NUF2: variants seen among roughly 807,000 people sequenced by gnomAD.
NUF2 encodes NUF2 component of NDC80 kinetochore complex, also known as kinetochore protein Nuf2.
NUF2 carries 34 observed loss-of-function variants against 61.8 expected under a neutral mutation model. That is an observed-to-expected ratio of 0.55 (90% confidence interval 0.42 to 0.73). The LOEUF is 0.73. Among genes scored for constraint, NUF2 ranks in the 30% least tolerant of loss-of-function variants. The probability of loss-of-function intolerance (pLI) is 0.00; values close to 1 mark genes in which losing one functional copy is unlikely to be tolerated. For missense variants in NUF2, 445 were observed against 539.1 expected, an observed-to-expected ratio of 0.83 and a Z score of 1.73; for synonymous variants, 172 against 181.6, an observed-to-expected ratio of 0.95 and a Z score of 0.42.
intron 1 of NUF2, among the ~76,000 whole-genome samples, chr1:163,324,202 A>G (rs571605388): frequency 6.6e-6 from 1 of 152,324 alleles, no homozygotes; most frequent in African/African-American, 2.4e-5. Context: ...GCAGAGGTGT[A>G]ATAGCTTTCT....
Position 163,339,667 on chromosome 1 carries a change from G to A in NUF2, c.606+190G>A, listed in dbSNP as rs567728810. On this transcript the variant is annotated intron_variant, in intron 8 of 13. Transcript: ENST00000271452. Reference sequence around the variant, plus strand: ...ACCATCTAGAACCGTGATGGTTTTTGTTGGCAAAGTTTTTTGTTGTCTTAT... The same window carrying A: ...ACCATCTAGAACCGTGATGGTTTTTATTGGCAAAGTTTTTTGTTGTCTTAT... Among the ~76,000 whole-genome samples, 17 of 152,116 alleles carry A rather than the reference G, an allele frequency of 1.1e-4. No individual in the cohort carries two copies. The East Asian group carries it at 1.2e-3, about 10-fold the overall frequency.
chr1:163,340,510 C>T (rs781135683), intron 9 of NUF2, 84 bp downstream of exon 9: 113 of 872,984 alleles, frequency 1.3e-4, no homozygotes, highest in Middle Eastern at 1.2e-3. Flanking sequence ...TTATTATGGG[C>T]AAATGTTTCT....
rs79514575 is a variant in NUF2 at position 163,347,626 on chromosome 1, G to A, written c.949-137G>A. On this transcript the variant is annotated intron_variant, in intron 11 of 13. Coordinates refer to ENST00000271452, the MANE Select transcript of NUF2 (RefSeq NM_145697.3). Reference sequence around the variant, plus strand: ...TCTGGTTCATCTGCATTTTTCTGCCGGACTTTCAGGTTTTAAAGAGTTTTG... The same window carrying A: ...TCTGGTTCATCTGCATTTTTCTGCCAGACTTTCAGGTTTTAAAGAGTTTTG... The A allele has an allele frequency of 1.1e-3, 669 of 592,358 alleles. 2 individuals are homozygous for A. The African/African-American group carries it at 0.011, about 10-fold the overall frequency. 36.7% of individuals were successfully genotyped at this position (592,358 alleles called of 1,614,324 possible). A position where few individuals can be genotyped will look rare whatever the true frequency, so the allele number is the denominator to read the frequency against.
At position 163,343,846 on chromosome 1, in the gene NUF2, G is replaced by A. The variant is rs1372288057; in HGVS notation, c.783G>A (p.Thr261=). ...LKNYKEKMKD[T]VQKLKNARQE... ...ATTATAAAGAAAAAATGAAAGATAC[G>A]GTCCAGAAGCTTAAAAATGCCAGAG... Residue 261 remains threonine (T), a synonymous_variant, in exon 10 of 14, where the codon ACG becomes ACA. Transcript: ENST00000271452. The A allele has an allele frequency of 7.7e-6, 11 of 1,424,864 alleles. No individual in the cohort carries two copies. The East Asian group carries it at 1.6e-4, about 21-fold the overall frequency. 88.3% of individuals were successfully genotyped at this position (1,424,864 alleles called of 1,614,324 possible).
chr1:163,328,103 C>T, intron 3 of NUF2, 125 bp from the exon 4 acceptor site: 1 of 542,134 alleles, frequency 1.8e-6, no homozygotes, highest in South Asian at 3.2e-5. Context: ...TGCATTTATA[C>T]TAGGATATGT....
intron 13 of NUF2, among the ~76,000 whole-genome samples, chr1:163,349,543 TC>T (rs1651242706): frequency 6.6e-6 from 1 of 152,212 alleles, no homozygotes; most frequent in Non-Finnish European, 1.5e-5. Context: ...TCTTTTTTTT[TC>T]ATTCTTCACC....
chr1:163,345,867 A>C, intron 11 of NUF2, 49 bp downstream of exon 11: 1 of 1,306,534 alleles, frequency 7.7e-7, no homozygotes, highest in Non-Finnish European at 1.1e-6. Context: ...ACAGCTTACT[A>C]TAGTTCCTTG....
Position 163,347,796 on chromosome 1 carries a change from G to T in NUF2, c.982G>T (p.Glu328Ter). The T allele has an allele frequency of 6.3e-7, 1 of 1,597,642 alleles. No homozygotes were observed. Among genetic ancestry groups the T allele is most frequent in the African/African-American group, 1.4e-5 (1 of 74,010 alleles). ...LNLEDQIESDESELKKLKTEE... is the reference protein window; with the variant it reads ...LNLEDQIESD ...CTTGGAGGACCAAATTGAGAGTGAT[G>T]AGTCAGAACTGAAGAAATTGAAGAC... Residue 328 changes from glutamate to a stop codon, truncating the protein, a stop_gained, in exon 12 of 14, where the codon GAG (glutamate) becomes TAG (stop). Coordinates refer to ENST00000271452, the MANE Select transcript of NUF2 (RefSeq NM_145697.3). LOFTEE classifies it high-confidence loss of function.
In NUF2 at chr1:163,328,903, T is replaced by G. The variant is rs1650512318; in HGVS notation, c.333T>G (p.Cys111Trp). 1 of 1,587,984 alleles carries G rather than the reference T, an allele frequency of 6.3e-7. No individual in the cohort carries two copies. The highest frequency in any genetic ancestry group is 8.6e-7 in the Non-Finnish European group (1 of 1,157,730). ...ACTTTGAGACTGCTGATATTCTATG[T>G]CCAAGTAAGTGAGAATTTAAAACAG... Reference protein sequence around the residue: ...VNDFETADILCPKAKRTSRFL... With the variant: ...VNDFETADILWPKAKRTSRFL... Residue 111 changes from cysteine (C) to tryptophan (W), a missense_variant, in exon 5 of 14, where the codon TGT becomes TGG. Cys to Trp is a radical substitution (Grantham distance 215, BLOSUM62 -2). Transcript: ENST00000271452.
intron 2 of NUF2, among the ~76,000 whole-genome samples, chr1:163,327,240 T>C (rs12726542): frequency 0.13 from 19,926 of 152,002 alleles, 1,621 homozygotes; most frequent in Non-Finnish European, 0.17. Flanking sequence ...GTTGCTTGGA[T>C]TGGATTTGGG....
chr1:163,330,402 G>A (rs1009764718), intron 5 of NUF2, among the ~76,000 whole-genome samples: 2 of 152,030 alleles, frequency 1.3e-5, no homozygotes, highest in African/African-American at 4.8e-5. Flanking sequence ...GTCTATTTTT[G>A]AGCTCGCTAT....
In NUF2 at chr1:163,340,387, C is replaced by T. The variant is rs777442141; in HGVS notation, c.630C>T (p.Ser210=). The T allele has an allele frequency of 6.2e-7, 1 of 1,610,990 alleles. No homozygotes were observed. The highest frequency in any genetic ancestry group is 8.5e-7 in the Non-Finnish European group (1 of 1,178,610). The change falls in exon 9 of 14, where the codon TCC becomes TCT. Residue 210 remains serine (S), a synonymous_variant. Coordinates refer to ENST00000271452, the MANE Select transcript of NUF2 (RefSeq NM_145697.3). ...AGATAGTGCTGCAAGAGGGAAATTC[C>T]CAAAAGAAGTCAAATATTTCAGAGA... ...QKTIVLQEGN[S]QKKSNISEKT... is the part of the protein sequence containing the mutation.
At chr1:163,344,831 GA>G (rs1233589603) in intron 10 of NUF2, among the ~76,000 whole-genome samples, 1 of 151,878 alleles carries the variant, frequency 6.6e-6, no homozygotes, top group Non-Finnish European at 1.5e-5. Context: ...GTATTAATGA[GA>G]AAAGGATGAT....
At chr1:163,334,920 C>G (rs922675981) in intron 5 of NUF2, among the ~76,000 whole-genome samples, 1 of 151,978 alleles carries the variant, frequency 6.6e-6, no homozygotes, top group Non-Finnish European at 1.5e-5. Flanking sequence ...GCTGACTGTA[C>G]TATGCCATTT....
rs199499282 is a variant in NUF2 at position 163,343,767 on chromosome 1, A to C, written c.704A>C (p.Glu235Ala). ...ELKLSVVSLK[E>A]IQESLKTKIV... ...AAATTGTCGGTGGTTTCTTTGAAAG[A>C]AATACAAGAGAGTTTGAAAACAAAA... Residue 235 changes from glutamate (E) to alanine (A), a missense_variant, in exon 10 of 14, where the codon GAA becomes GCA. Glu to Ala is a moderately radical substitution (Grantham distance 107). Transcript: ENST00000271452. 209 of 1,434,548 alleles carry C rather than the reference A, an allele frequency of 1.5e-4. No homozygotes were observed. The highest frequency in any genetic ancestry group is 1.8e-4 in the Non-Finnish European group (195 of 1,078,620). 88.9% of individuals were successfully genotyped at this position (1,434,548 alleles called of 1,614,324 possible).
chr1:163,328,722 C>T (rs938076434), intron 4 of NUF2, 124 bp from the exon 5 acceptor site: 57 of 634,222 alleles, frequency 9.0e-5, no homozygotes, highest in Middle Eastern at 7.5e-4. Flanking sequence ...ATTCTGGCTT[C>T]GTCCACTGAC....
At position 163,347,828 on chromosome 1, in the gene NUF2, A is replaced by G; in HGVS notation, c.1014A>G (p.Glu338=). ...AACTGAAGAAATTGAAGACTGAAGAAAATTCGTTCAAAAGACTGATGATTG... is the reference window on the plus strand; with the variant it reads ...AACTGAAGAAATTGAAGACTGAAGAGAATTCGTTCAAAAGACTGATGATTG... ...ESELKKLKTE[E]NSFKRLMIVK... is the part of the protein sequence containing the mutation. The change falls in exon 12 of 14, where the codon GAA becomes GAG. Residue 338 remains glutamate (E), a synonymous_variant. Transcript: ENST00000271452. 1 of 1,612,252 alleles carries G rather than the reference A, an allele frequency of 6.2e-7. No individual in the cohort carries two copies. Among genetic ancestry groups the G allele is most frequent in the Non-Finnish European group, 8.5e-7 (1 of 1,179,306 alleles).
At chr1:163,344,893 G>A (rs1651069961) in intron 10 of NUF2, among the ~76,000 whole-genome samples, 2 of 151,862 alleles carry the variant, frequency 1.3e-5, no homozygotes, top group Non-Finnish European at 2.9e-5. Context: ...GGAAGAAAAG[G>A]GTGTTGGGTC....
intron 5 of NUF2, among the ~76,000 whole-genome samples, chr1:163,335,540 T>C (rs1157597128): frequency 1.3e-5 from 2 of 152,158 alleles, no homozygotes; most frequent in Non-Finnish European, 2.9e-5. Flanking sequence ...TTGAATATAA[T>C]GTGACTTTTA....
Sources: gnomAD v4.1 joint callset for allele counts (sites outside exome capture counted in the v4.1 genomes callset) on GRCh38, gnomAD v4.1.1 for gene constraint, MANE v1.5 for transcripts, NCBI Gene and HGNC (gene_info 2026-07-23, HGNC 2026-07-21) for gene names.